The following DMRT1 variants were observed in gnomAD, a reference collection of about 807,000 sequenced individuals.
DMRT1 encodes the protein doublesex and mab-3 related transcription factor 1, also known as doublesex- and mab-3-related transcription factor 1.
A neutral mutation model predicts 32.3 loss-of-function variants in DMRT1; 7 were observed. The ratio of observed to expected loss-of-function variants is 0.22; its 90% confidence interval spans 0.12 to 0.41. The LOEUF (loss-of-function observed/expected upper bound fraction) is 0.41. Ranked by LOEUF, DMRT1 falls within the 10% of genes least tolerant of loss-of-function variation. The probability of loss-of-function intolerance (pLI) is 1.00; values close to 1 mark genes in which losing one functional copy is unlikely to be tolerated. For synonymous variants in DMRT1, 278 were observed against 206.1 expected, an observed-to-expected ratio of 1.35 and a Z score of -2.99; for missense variants, 625 against 500.5, an observed-to-expected ratio of 1.25 and a Z score of -2.37.
chr9:883,962 A>C (rs1816830177), intron 2 of DMRT1, among the ~76,000 whole-genome samples: 1 of 152,192 alleles, frequency 6.6e-6, no homozygotes, highest in South Asian at 2.1e-4. Context: ...AACACCATGC[A>C]AGATATGGGG....
chr9:923,373 A>C lies in DMRT1; in HGVS notation c.967+6466A>C, dbSNP rs573409820. Among the ~76,000 whole-genome samples, 20 of 152,300 alleles carry C rather than the reference A, an allele frequency of 1.3e-4. No homozygotes were observed. The South Asian group carries it at 4.1e-3, about 32-fold the overall frequency. ...TGTACGTGGAATCTGAATGGGACCC[A>C]TGACTTAGCAGGTTATGTGGCAGTA... On this transcript the variant is annotated intron_variant, in intron 4 of 4. Coordinates refer to ENST00000382276, the MANE Select transcript of DMRT1 (RefSeq NM_021951.3).
At chr9:937,324 T>G (rs1818920012) in intron 4 of DMRT1, among the ~76,000 whole-genome samples, 1 of 152,264 alleles carries the variant, frequency 6.6e-6, no homozygotes, top group South Asian at 2.1e-4. Flanking sequence ...CAAGTATCTG[T>G]GTGAGTACCT....
intron 2 of DMRT1, among the ~76,000 whole-genome samples, chr9:862,597 C>A (rs970473919): frequency 6.6e-6 from 1 of 151,972 alleles, no homozygotes; most frequent in Non-Finnish European, 1.5e-5. Flanking sequence ...TTGAAGGGAA[C>A]TGGGTGAGAG....
intron 4 of DMRT1, among the ~76,000 whole-genome samples, chr9:922,161 G>T (rs958059941): frequency 6.6e-6 from 1 of 152,052 alleles, no homozygotes; most frequent in African/African-American, 2.4e-5. Flanking sequence ...TTATAGGTGT[G>T]AGCCATCTTA....
At chr9:935,046 A>G (rs1160248251) in intron 4 of DMRT1, among the ~76,000 whole-genome samples, 1 of 152,240 alleles carries the variant, frequency 6.6e-6, no homozygotes, top group African/African-American at 2.4e-5. Context: ...ATCCTCCAAA[A>G]TCATTTATAA....
At chr9:851,392 C>T (rs1839146657) in intron 2 of DMRT1, among the ~76,000 whole-genome samples, 1 of 151,560 alleles carries the variant, frequency 6.6e-6, no homozygotes, top group African/African-American at 2.4e-5. Context: ...GCGTGCGTGG[C>T]GATGCCCAGC....
At chr9:885,080 A>G (rs1439217987) in intron 2 of DMRT1, among the ~76,000 whole-genome samples, 1 of 152,248 alleles carries the variant, frequency 6.6e-6, no homozygotes, top group Non-Finnish European at 1.5e-5. Flanking sequence ...TGAAGGAGGC[A>G]TGGCTTGCTT....
intron 2 of DMRT1, among the ~76,000 whole-genome samples, chr9:848,267 GC>G (rs1838989416): frequency 6.6e-6 from 1 of 152,108 alleles, no homozygotes; most frequent in South Asian, 2.1e-4. Flanking sequence ...AGCTCCCTGG[GC>G]CTTTTTTTCC....
At chr9:922,874 G>A (rs1297813627) in intron 4 of DMRT1, among the ~76,000 whole-genome samples, 1 of 146,946 alleles carries the variant, frequency 6.8e-6, no homozygotes, top group African/African-American at 2.7e-5. Context: ...GAGTTGCAGA[G>A]CATCTACATT....
chr9:862,156 G>A (rs1477626441), intron 2 of DMRT1, among the ~76,000 whole-genome samples: 4 of 150,546 alleles, frequency 2.7e-5, no homozygotes, highest in African/African-American at 4.9e-5. Flanking sequence ...CAGGCGGCTG[G>A]GAGGTGGAGG....
chr9:955,485 G>A (rs1334262032), intron 4 of DMRT1, among the ~76,000 whole-genome samples: 1 of 152,252 alleles, frequency 6.6e-6, no homozygotes, highest in Admixed American at 6.5e-5. Flanking sequence ...CAGGTGGATG[G>A]CTTGAGCCCA....
chr9:901,812 G>A (rs1194499313), intron 3 of DMRT1, among the ~76,000 whole-genome samples: 2 of 151,924 alleles, frequency 1.3e-5, no homozygotes, highest in African/African-American at 2.4e-5. Flanking sequence ...ACCCTTGGCC[G>A]GGAGCCCTTC....
chr9:947,675 A>C (rs1334927979), intron 4 of DMRT1, among the ~76,000 whole-genome samples: 1 of 151,972 alleles, frequency 6.6e-6, no homozygotes, highest in Non-Finnish European at 1.5e-5. Flanking sequence ...TCAGGCTGGA[A>C]TGCAGTGGCG....
intron 2 of DMRT1, among the ~76,000 whole-genome samples, chr9:884,098 CTG>C (rs1167992962): frequency 6.6e-6 from 1 of 151,894 alleles, no homozygotes; most frequent in African/African-American, 2.4e-5. Context: ...ATGCTGGAAA[CTG>C]TGATGTTTGG....
At chr9:886,673 A>G (rs1161717589) in intron 2 of DMRT1, among the ~76,000 whole-genome samples, 2 of 152,166 alleles carry the variant, frequency 1.3e-5, no homozygotes, top group East Asian at 3.9e-4. Flanking sequence ...CTTTATGTAT[A>G]TATAAATATA....
At chr9:875,693 C>A (rs929780965) in intron 2 of DMRT1, among the ~76,000 whole-genome samples, 1 of 152,132 alleles carries the variant, frequency 6.6e-6, no homozygotes, top group African/African-American at 2.4e-5. Flanking sequence ...CCCAGCATGG[C>A]TCTTTGTAGT....
At chr9:866,966 A>G (rs1816018838) in intron 2 of DMRT1, among the ~76,000 whole-genome samples, 2 of 152,182 alleles carry the variant, frequency 1.3e-5, no homozygotes, top group Non-Finnish European at 2.9e-5. Flanking sequence ...TATTTTCATC[A>G]TGAAGCACCT....
intron 3 of DMRT1, among the ~76,000 whole-genome samples, chr9:901,956 A>G (rs931970863): frequency 7.8e-6 from 1 of 128,038 alleles, no homozygotes; most frequent in African/African-American, 3.2e-5. Flanking sequence ...TCTGTTGCCC[A>G]GGCTAGAGTG....
At chr9:861,201 C>A (rs972232843) in intron 2 of DMRT1, among the ~76,000 whole-genome samples, 1 of 151,744 alleles carries the variant, frequency 6.6e-6, no homozygotes, top group Non-Finnish European at 1.5e-5. Flanking sequence ...GGCAGAGGGC[C>A]CTGCCGCCTT....
Sources: gnomAD v4.1 joint callset for allele counts (sites outside exome capture counted in the v4.1 genomes callset) on GRCh38, gnomAD v4.1.1 for gene constraint, MANE v1.5 for transcripts, NCBI Gene and HGNC (gene_info 2026-07-23, HGNC 2026-07-21) for gene names.